CNTN5: variants seen among roughly 807,000 people sequenced by gnomAD.
CNTN5 encodes the protein contactin-5.
A neutral mutation model predicts 129.1 loss-of-function variants in CNTN5; 77 were observed. The observed-to-expected ratio is 0.60, with a 90% CI of 0.50 to 0.72. The LOEUF is 0.72. Ranked by LOEUF, CNTN5 falls within the 30% of genes least tolerant of loss-of-function variation. The pLI, the probability that CNTN5 is intolerant of heterozygous loss-of-function variation, is 0.00. For missense variants in CNTN5, 1,478 were observed against 1,328.8 expected (o/e 1.11, Z -1.75); for synonymous variants, 509 against 465.6 (o/e 1.09, Z -1.20).
chr11:100,258,763 C>A lies in CNTN5; in HGVS notation c.2164+2845C>A, dbSNP rs184681305. Among the ~76,000 whole-genome samples the A allele has an allele frequency of 9.9e-5, 15 of 152,262 alleles. No homozygotes were observed. In the East Asian group the frequency reaches 2.9e-3, roughly 29 times the overall value. ...CAAATGCTGAGAGATGTTGTCACCACCAGGCCTGCCTTACAAGAGATCCTG... is the reference window on the plus strand; with the variant it reads ...CAAATGCTGAGAGATGTTGTCACCAACAGGCCTGCCTTACAAGAGATCCTG... On this transcript the variant is annotated intron_variant, in intron 17 of 24. Transcript: ENST00000524871.
chr11:99,155,756 AAT>A lies in CNTN5; in HGVS notation c.-210+134488_-210+134489del, dbSNP rs1860305123. On this transcript the variant is annotated intron_variant, in intron 1 of 24. Transcript: ENST00000524871. ...CACAATGATGACAATAACATTCAAG[AAT>A]AAAGAAATATGTCAACTGAACAGAG... is the stretch of plus-strand genomic sequence containing the variant. Among the ~76,000 whole-genome samples, 4 of 152,290 alleles carry A rather than the reference AAT, an allele frequency of 2.6e-5. No homozygotes were observed. In the South Asian group the frequency reaches 8.3e-4, roughly 32 times the overall value.
chr11:99,766,254 T>C (rs2135307239), intron 3 of CNTN5, among the ~76,000 whole-genome samples: 1 of 152,214 alleles, frequency 6.6e-6, no homozygotes, highest in Non-Finnish European at 1.5e-5. Flanking sequence ...TATTTATCTG[T>C]AGAATAAAAC....
At chr11:99,568,561 C>A (rs1174959781) in intron 3 of CNTN5, among the ~76,000 whole-genome samples, 1 of 152,138 alleles carries the variant, frequency 6.6e-6, no homozygotes, top group African/African-American at 2.4e-5. Flanking sequence ...AAATTCAGGT[C>A]TCTTTGGAAT....
At chr11:99,998,981 CT>C (rs1365698614) in intron 8 of CNTN5, among the ~76,000 whole-genome samples, 2 of 151,922 alleles carry the variant, frequency 1.3e-5, no homozygotes, top group African/African-American at 2.4e-5. Context: ...GGATCCCTTC[CT>C]TACACCTTAT....
rs376784906 is a variant in CNTN5 at position 99,566,351 on chromosome 11, A to T, written c.55+10082A>T. Reference sequence around the variant, plus strand: ...AGCCAAGAGTGTTGGTGCCAGCAGAACTGTGAGCCAATTAAGCCTCTCTTC... The same window carrying T: ...AGCCAAGAGTGTTGGTGCCAGCAGATCTGTGAGCCAATTAAGCCTCTCTTC... On this transcript the variant is annotated intron_variant, in intron 3 of 24. Transcript: ENST00000524871. 1.1e-3 allele frequency among the ~76,000 whole-genome samples: 175 copies of T among 152,290 alleles called. 7 individuals carry two copies. In the South Asian group the frequency reaches 0.034, roughly 30 times the overall value.
intron 1 of CNTN5, among the ~76,000 whole-genome samples, chr11:99,022,404 T>A (rs1862914743): frequency 6.6e-6 from 1 of 152,188 alleles, no homozygotes; most frequent in Non-Finnish European, 1.5e-5. Flanking sequence ...ATTGTGACTC[T>A]CAGTATTTTA....
chr11:99,305,920 G>T (rs541795628), intron 1 of CNTN5, among the ~76,000 whole-genome samples: 2 of 151,992 alleles, frequency 1.3e-5, no homozygotes. Context: ...GGTGGAGGTT[G>T]CAGGGAGCCG....
chr11:99,236,796 T>G (rs893309045), intron 1 of CNTN5, among the ~76,000 whole-genome samples: 16 of 152,254 alleles, frequency 1.1e-4, no homozygotes, highest in African/African-American at 3.9e-4. Context: ...ACAGTTTTAT[T>G]TGCATATTTC....
At chr11:99,125,587 G>T (rs1858585165) in intron 1 of CNTN5, among the ~76,000 whole-genome samples, 1 of 152,088 alleles carries the variant, frequency 6.6e-6, no homozygotes, top group Non-Finnish European at 1.5e-5. Flanking sequence ...TCAACATAGT[G>T]TTGTAAGTCC....
In CNTN5 at chr11:100,010,265, G is replaced by T. The variant is rs1261542526; in HGVS notation, c.980+8129G>T. ...TAACTAAGTAACACAGGGTAAAAAT[G>T]AGAACTTTATGGAAAGTCAGTAACT... On this transcript the variant is annotated intron_variant, in intron 9 of 24. Transcript: ENST00000524871. 2.6e-5 allele frequency among the ~76,000 whole-genome samples: 4 copies of T among 152,060 alleles called. No homozygotes were observed. The East Asian group carries it at 7.7e-4, about 29-fold the overall frequency.
intron 1 of CNTN5, among the ~76,000 whole-genome samples, chr11:99,288,360 C>A (rs947614916): frequency 6.6e-6 from 1 of 151,852 alleles, no homozygotes; most frequent in Non-Finnish European, 1.5e-5. Context: ...CAATGGTTCT[C>A]TGGTTTTGAA....
At chr11:99,223,453 T>C (rs1292762469) in intron 1 of CNTN5, among the ~76,000 whole-genome samples, 1 of 152,174 alleles carries the variant, frequency 6.6e-6, no homozygotes, top group Non-Finnish European at 1.5e-5. Context: ...ATCAATTGTG[T>C]TTTCTATTTC....
intron 3 of CNTN5, among the ~76,000 whole-genome samples, chr11:99,784,573 C>G (rs774177983): frequency 1.3e-5 from 2 of 151,896 alleles, no homozygotes; most frequent in Admixed American, 1.3e-4. Context: ...ATTTTTAATC[C>G]TTTGGGTATA....
rs1005845211 is a variant in CNTN5, at chr11:99,661,622, G to A, written c.55+105353G>A. ...ACCAAAACTGTGTCCCCACTATGCC[G>A]GGTATCCAGCAGTGTGAGAATGGAC... On this transcript the variant is annotated intron_variant, in intron 3 of 24. Transcript: ENST00000524871. 7.2e-5 allele frequency among the ~76,000 whole-genome samples: 11 copies of A among 151,870 alleles called. No homozygotes were observed. In the East Asian group the frequency reaches 7.7e-4, roughly 11 times the overall value.
chr11:99,819,098 A>C (rs1179360268), intron 3 of CNTN5, among the ~76,000 whole-genome samples: 2 of 151,830 alleles, frequency 1.3e-5, no homozygotes, highest in Non-Finnish European at 2.9e-5. Flanking sequence ...GCATTTTAAT[A>C]ATAAGGAAAG....
chr11:100,321,198 CATTT>C (rs951724466), intron 21 of CNTN5, among the ~76,000 whole-genome samples: 14 of 151,162 alleles, frequency 9.3e-5, no homozygotes, highest in South Asian at 4.2e-4. Context: ...GATTTTTTTC[CATTT>C]ATTTATGTCT....
At chr11:99,118,876 C>T (rs967144806) in intron 1 of CNTN5, among the ~76,000 whole-genome samples, 10 of 149,796 alleles carry the variant, frequency 6.7e-5, no homozygotes, top group African/African-American at 1.2e-4. Context: ...TATGAAATAT[C>T]TAAATATATT....
chr11:99,625,763 AT>A (rs1413943576), intron 3 of CNTN5, among the ~76,000 whole-genome samples: 1 of 104,554 alleles, frequency 9.6e-6, no homozygotes. Flanking sequence ...CCTTTATCAT[AT>A]TCAATTAAAA....
chr11:99,837,276 T>C lies in CNTN5; in HGVS notation c.278-7576T>C, dbSNP rs114076127. ...AGTTTAAAATGATTTTATTTTAATG[T>C]AATATTAGCCAACATCAGAAACTCT... On this transcript the variant is annotated intron_variant, in intron 4 of 24. Coordinates refer to ENST00000524871, the MANE Select transcript of CNTN5 (RefSeq NM_014361.4). Among the ~76,000 whole-genome samples, 175 of 152,328 alleles carry C rather than the reference T, an allele frequency of 1.1e-3. 1 individual carries two copies. Among genetic ancestry groups the C allele is most frequent in the African/African-American group, 4.1e-3 (169 of 41,582 alleles).
Sources: gnomAD v4.1 joint callset for allele counts (sites outside exome capture counted in the v4.1 genomes callset) on GRCh38, gnomAD v4.1.1 for gene constraint, MANE v1.5 for transcripts, NCBI Gene and HGNC (gene_info 2026-07-23, HGNC 2026-07-21) for gene names.